CELF2: variants seen among roughly 807,000 people sequenced by gnomAD.
The protein encoded by CELF2 is CUGBP Elav-like family member 2.
Under a neutral mutation model 62.6 loss-of-function variants are expected in CELF2, and 8 were observed. The observed-to-expected ratio is 0.13, with a 90% confidence interval of 0.07 to 0.23. CELF2 has a LOEUF of 0.23. Ranked by LOEUF, CELF2 falls within the 10% of genes least tolerant of loss-of-function variation. The pLI, the probability that CELF2 is intolerant of heterozygous loss-of-function variation, is 1.00. For missense variants in CELF2, 333 were observed against 671.0 expected (o/e 0.50, Z 5.56); for synonymous variants, 258 against 250.0 (o/e 1.03, Z -0.30).
At chr10:11,089,959 G>C (rs10905898) in intron 1 of CELF2, among the ~76,000 whole-genome samples, 37,042 of 152,052 alleles carry the variant, frequency 0.24, 4,797 homozygotes, top group Middle Eastern at 0.3. Flanking sequence ...ACTTGAAAGT[G>C]GGAGCTGAAC....
chr10:10,483,835 C>T, the CELF2 span, among the ~76,000 whole-genome samples: 1 of 151,874 alleles, frequency 6.6e-6, no homozygotes, highest in South Asian at 2.1e-4. Context: ...ATTCCTCTTG[C>T]AGAAAGCCTG....
the CELF2 span, among the ~76,000 whole-genome samples, chr10:10,710,824 A>T: frequency 6.6e-6 from 1 of 152,174 alleles, no homozygotes; most frequent in Non-Finnish European, 1.5e-5. Context: ...TTTCTTTTTT[A>T]AAAGTGAAAC....
At chr10:10,848,944 G>A (rs568980819) in intron 1 of CELF2, among the ~76,000 whole-genome samples, 3 of 152,190 alleles carry the variant, frequency 2.0e-5, no homozygotes, top group South Asian at 2.1e-4. Flanking sequence ...CAGGTACCTG[G>A]GTGAAGGGGA....
chr10:11,173,385 G>A (rs1033537733), intron 2 of CELF2, among the ~76,000 whole-genome samples: 2 of 152,128 alleles, frequency 1.3e-5, no homozygotes, highest in Non-Finnish European at 2.9e-5. Flanking sequence ...TCAGGCATTC[G>A]GGTTGAAAGG....
the CELF2 span, among the ~76,000 whole-genome samples, chr10:10,603,486 G>A: frequency 6.6e-6 from 1 of 152,116 alleles, no homozygotes; most frequent in South Asian, 2.1e-4. Flanking sequence ...TCTGCCTCTT[G>A]GGAAGCATTG....
chr10:10,771,421 C>T, the CELF2 span, among the ~76,000 whole-genome samples: 1 of 152,130 alleles, frequency 6.6e-6, no homozygotes, highest in African/African-American at 2.4e-5. Context: ...GGCATAAGTG[C>T]CTGGTTGAGT....
the CELF2 span, among the ~76,000 whole-genome samples, chr10:10,737,669 C>T: frequency 1.3e-5 from 2 of 151,964 alleles, no homozygotes; most frequent in South Asian, 2.1e-4. Context: ...CTTGTCTCTT[C>T]CTCTTCTGTT....
At chr10:10,473,220 C>T in the CELF2 span, among the ~76,000 whole-genome samples, 3 of 151,852 alleles carry the variant, frequency 2.0e-5, no homozygotes, top group Admixed American at 2.0e-4. Context: ...AAGATGATAG[C>T]CATGTGAAGA....
At chr10:11,086,717 C>T (rs917778688) in intron 1 of CELF2, among the ~76,000 whole-genome samples, 10 of 151,292 alleles carry the variant, frequency 6.6e-5, no homozygotes, top group African/African-American at 1.7e-4. Flanking sequence ...GATTATTTCC[C>T]GTAATAGATA....
At chr10:10,557,872 G>A in the CELF2 span, among the ~76,000 whole-genome samples, 75,337 of 131,376 alleles carry the variant, frequency 0.57, 21,267 homozygotes, top group East Asian at 0.8. Flanking sequence ...TGTGATTTTT[G>A]TACATTGATT....
intron 9 of CELF2, among the ~76,000 whole-genome samples, chr10:11,295,017 A>G (rs889872841): frequency 1.3e-5 from 2 of 152,218 alleles, no homozygotes; most frequent in Admixed American, 6.5e-5. Context: ...CAGTAGAAAG[A>G]GCACTGACCT....
chr10:10,864,383 T>C (rs973001263), intron 1 of CELF2, among the ~76,000 whole-genome samples: 1 of 152,220 alleles, frequency 6.6e-6, no homozygotes, highest in Non-Finnish European at 1.5e-5. Flanking sequence ...TTGCCACTCT[T>C]GACTGAGCTC....
intron 1 of CELF2, among the ~76,000 whole-genome samples, chr10:10,893,749 G>A (rs1001597367): frequency 2.6e-5 from 4 of 152,110 alleles, no homozygotes; most frequent in Non-Finnish European, 4.4e-5. Flanking sequence ...AGCAAGAGAC[G>A]GACGAGGGAG....
chr10:10,718,922 G>A, the CELF2 span, among the ~76,000 whole-genome samples: 1 of 151,122 alleles, frequency 6.6e-6, no homozygotes, highest in Admixed American at 6.6e-5. Flanking sequence ...TTGATTGTAA[G>A]AAAGCCAGAC....
rs56348502 is a variant in CELF2 at position 11,290,524 on chromosome 10, TAAAA to T, written c.976+1985_976+1988del. On this transcript the variant is annotated intron_variant, in intron 9 of 12. Transcript: ENST00000633077. The surrounding 1 kb of genome is among the most constrained non-coding windows in gnomAD (Gnocchi z 4.3). ...CCTGGGCGACGAGCGAGACTCCGTCTAAAAAAAAAAAAAAAATGTGGGCCACTCA... is the reference window on the plus strand; with the variant it reads ...CCTGGGCGACGAGCGAGACTCCGTCTAAAAAAAAAAAATGTGGGCCACTCA... Among the ~76,000 whole-genome samples, 2 of 141,734 alleles carry T rather than the reference TAAAA, an allele frequency of 1.4e-5. No individual in the cohort carries two copies. Among genetic ancestry groups the T allele is most frequent in the South Asian group, 2.2e-4 (1 of 4,532 alleles). The allele number at this position is 141,734 out of a possible 152,430, so 93.0% of individuals were successfully genotyped here. A position where few individuals can be genotyped will look rare whatever the true frequency, so the allele number is the denominator to read the frequency against.
the CELF2 span, among the ~76,000 whole-genome samples, chr10:10,491,982 A>C: frequency 6.7e-6 from 1 of 150,040 alleles, no homozygotes; most frequent in South Asian, 2.1e-4. Flanking sequence ...CCACTTTCCC[A>C]TTTTCTTACC....
chr10:11,118,652 T>C (rs905046501), intron 1 of CELF2, among the ~76,000 whole-genome samples: 9 of 152,206 alleles, frequency 5.9e-5, no homozygotes, highest in Non-Finnish European at 1.3e-4. Context: ...TTTGGGGTTC[T>C]TGGCCTTGGA....
chr10:11,205,675 G>C (rs1018219232), intron 2 of CELF2, among the ~76,000 whole-genome samples: 55 of 152,270 alleles, frequency 3.6e-4, no homozygotes, highest in African/African-American at 1.3e-3. Context: ...TTTGAAAACT[G>C]TCATGGTATC....
At chr10:11,065,122 ATAACT>A (rs1454557910) in intron 1 of CELF2, among the ~76,000 whole-genome samples, 1 of 152,208 alleles carries the variant, frequency 6.6e-6, no homozygotes, top group African/African-American at 2.4e-5. Context: ...GTTTCCTTTC[ATAACT>A]TAAGGAGCTC....
Sources: allele counts gnomAD v4.1 joint callset (sites outside exome capture counted in the v4.1 genomes callset), GRCh38; gene constraint gnomAD v4.1.1; non-coding constraint Gnocchi (gnomAD v3.1); transcripts MANE v1.5; gene names NCBI Gene and HGNC (gene_info 2026-07-23, HGNC 2026-07-21).